Variants in CRTC3 observed in about 807,000 individuals in gnomAD.
CRTC3 encodes the protein CREB regulated transcription coactivator 3, also known as CREB-regulated transcription coactivator 3.
A neutral mutation model predicts 74.5 loss-of-function variants in CRTC3; 26 were observed. That is an observed-to-expected ratio of 0.35 (90% CI 0.26 to 0.48). CRTC3 has a LOEUF of 0.48. CRTC3 is among the 20% of genes least tolerant of loss of function. The pLI is 0.99. For synonymous variants in CRTC3, 377 were observed against 325.8 expected, an observed-to-expected ratio of 1.16 and a Z score of -1.69; for missense variants, 760 against 787.3, an observed-to-expected ratio of 0.97 and a Z score of 0.41.
Position 90,642,854 on chromosome 15 carries a change from G to C in CRTC3, c.*714G>C, listed in dbSNP as rs1053743402. ...ATCAGTCACTGAAAAGAGTCCCCTG[G>C]CACTGATGAGCCTGAAGAGAACTGT... is the stretch of plus-strand genomic sequence containing the variant. On this transcript the variant is annotated 3_prime_UTR_variant, in exon 15 of 15. Transcript: ENST00000268184. 2 of 232,850 alleles carry C rather than the reference G, an allele frequency of 8.6e-6. No individual in the cohort carries two copies. Among genetic ancestry groups the C allele is most frequent in the Admixed American group, 1.1e-4 (2 of 17,788 alleles). 14.4% of individuals were successfully genotyped at this position (232,850 alleles called of 1,614,324 possible).
At position 90,540,076 on chromosome 15, in the gene CRTC3, A is replaced by G. The variant is rs532538850; in HGVS notation, c.170A>G (p.Gln57Arg). Residue 57 changes from glutamine to arginine, a missense_variant, in exon 2 of 15, where the codon CAG becomes CGG. Around this residue, in one of 2 missense-constraint regions of CRTC3, gnomAD observed 108 missense variants for 152.1 expected, o/e 0.71. Transcript: ENST00000268184. ...AAGCTTCAGCAACTGCGCCTTACAC[A>G]GTACCATGGAGGATCCTTACCAAAT... The part of the protein sequence containing the change: ...FQKLQQLRLT[Q>R]YHGGSLPNVS... The G allele has an allele frequency of 4.3e-6, 7 of 1,613,504 alleles. No homozygotes were observed. The South Asian group carries it at 7.7e-5, about 18-fold the overall frequency.
At chr15:90,572,616 C>T (rs1967298475) in intron 2 of CRTC3, among the ~76,000 whole-genome samples, 1 of 152,114 alleles carries the variant, frequency 6.6e-6, no homozygotes. Context: ...CACTCTGTCA[C>T]CCAGGCTGGA....
At chr15:90,636,254 A>T (rs1394537357) in intron 11 of CRTC3, among the ~76,000 whole-genome samples, 2 of 151,994 alleles carry the variant, frequency 1.3e-5, no homozygotes, top group Non-Finnish European at 2.9e-5. Context: ...ATAATGCCAC[A>T]TATCTACAAC....
At chr15:90,587,880 C>G (rs1967703141) in intron 2 of CRTC3, among the ~76,000 whole-genome samples, 1 of 151,830 alleles carries the variant, frequency 6.6e-6, no homozygotes, top group African/African-American at 2.4e-5. Context: ...TCCCAAAGTG[C>G]TGGGATTACA....
chr15:90,634,773 T>G, intron 11 of CRTC3: 1 of 1,159,570 alleles, frequency 8.6e-7, no homozygotes, highest in Non-Finnish European at 1.3e-6. Context: ...TGACTGAGTA[T>G]TGGTTGGAAG....
At chr15:90,564,241 A>G (rs372079312) in intron 2 of CRTC3, among the ~76,000 whole-genome samples, 14 of 152,340 alleles carry the variant, frequency 9.2e-5, no homozygotes, top group African/African-American at 3.4e-4. Context: ...GAATTACTAA[A>G]ACAGAACTAT....
At chr15:90,536,917 C>T (rs1183801814) in intron 1 of CRTC3, among the ~76,000 whole-genome samples, 2 of 152,226 alleles carry the variant, frequency 1.3e-5, no homozygotes, top group Non-Finnish European at 2.9e-5. Flanking sequence ...TCTGATCTTT[C>T]AATCAGGAGA....
At chr15:90,560,943 GTC>G (rs1966998479) in intron 2 of CRTC3, among the ~76,000 whole-genome samples, 1 of 152,160 alleles carries the variant, frequency 6.6e-6, no homozygotes, top group Non-Finnish European at 1.5e-5. Flanking sequence ...TCTGTCATAA[GTC>G]TCTATGACCT....
chr15:90,540,856 C>T (rs1262721096), intron 2 of CRTC3, among the ~76,000 whole-genome samples: 1 of 152,114 alleles, frequency 6.6e-6, no homozygotes, highest in Non-Finnish European at 1.5e-5. Flanking sequence ...CATAAAAAAA[C>T]TGAGAAATCT....
chr15:90,632,458 T>G (rs1969073963), intron 11 of CRTC3, among the ~76,000 whole-genome samples: 1 of 152,206 alleles, frequency 6.6e-6, no homozygotes, highest in Non-Finnish European at 1.5e-5. Context: ...TTTTAAAAAG[T>G]GAATGTTATT....
intron 2 of CRTC3, among the ~76,000 whole-genome samples, chr15:90,551,007 C>G (rs1308408496): frequency 1.3e-5 from 2 of 152,242 alleles, no homozygotes; most frequent in Middle Eastern, 3.4e-3. Flanking sequence ...ATGAGATGAA[C>G]AAAGCACCGA....
chr15:90,535,573 G>A (rs1163116009), intron 1 of CRTC3, among the ~76,000 whole-genome samples: 1 of 152,188 alleles, frequency 6.6e-6, no homozygotes, highest in Non-Finnish European at 1.5e-5. Context: ...TTGTGTTGAG[G>A]AACCAGAGGA....
At chr15:90,543,074 A>C (rs11639199) in intron 2 of CRTC3, among the ~76,000 whole-genome samples, 23,054 of 149,872 alleles carry the variant, frequency 0.15, 1,989 homozygotes, top group African/African-American at 0.21. Context: ...AGGCAGGCAG[A>C]TCGCTTGAGC....
intron 11 of CRTC3, among the ~76,000 whole-genome samples, chr15:90,636,854 G>A (rs1036892648): frequency 3.1e-4 from 47 of 152,128 alleles, no homozygotes; most frequent in African/African-American, 1.0e-3. Flanking sequence ...CCACAATGAG[G>A]TACCATCTCA....
intron 7 of CRTC3, among the ~76,000 whole-genome samples, chr15:90,617,207 T>G (rs116955918): frequency 0.021 from 3,163 of 152,306 alleles, 54 homozygotes; most frequent in Non-Finnish European, 0.03. Context: ...CCTCCTGGCC[T>G]CTTCCTCTTC....
chr15:90,633,791 C>G (rs1380328084), intron 11 of CRTC3, among the ~76,000 whole-genome samples: 1 of 151,896 alleles, frequency 6.6e-6, no homozygotes, highest in Non-Finnish European at 1.5e-5. Flanking sequence ...TTTTGCTTCT[C>G]TGTGGTTGCT....
intron 11 of CRTC3, among the ~76,000 whole-genome samples, chr15:90,635,928 C>T (rs1042637201): frequency 2.0e-5 from 3 of 152,046 alleles, no homozygotes; most frequent in African/African-American, 4.8e-5. Flanking sequence ...AATGGAAGAA[C>T]ATTCCATGCT....
At chr15:90,543,652 C>T (rs950771398) in intron 2 of CRTC3, among the ~76,000 whole-genome samples, 5 of 152,126 alleles carry the variant, frequency 3.3e-5, no homozygotes, top group African/African-American at 1.2e-4. Context: ...GGTGGGAGCC[C>T]TCTTCCGAAC....
chr15:90,638,397 C>A, intron 11 of CRTC3, 49 bp from the exon 12 acceptor site: 1 of 1,517,908 alleles, frequency 6.6e-7, no homozygotes, highest in Non-Finnish European at 9.1e-7. Context: ...AAGGACTTAA[C>A]GCCAGAAACG....
Sources: gnomAD v4.1 joint callset for allele counts (sites outside exome capture counted in the v4.1 genomes callset) on GRCh38, gnomAD v4.1.1 for gene constraint, gnomAD v4.1.1 regional missense constraint, MANE v1.5 for transcripts, NCBI Gene and HGNC (gene_info 2026-07-23, HGNC 2026-07-21) for gene names.